Variants in APOOL observed in about 807,000 individuals in gnomAD.
The protein encoded by APOOL is apolipoprotein O like.
In APOOL, 12 loss-of-function variants were observed where a neutral mutation model predicts 23.1. The ratio of observed to expected loss-of-function variants is 0.52; its 90% CI spans 0.33 to 0.84. The LOEUF (loss-of-function observed/expected upper bound fraction) is 0.84. APOOL is among the 40% of genes least tolerant of loss of function. APOOL has a pLI of 0.02. For synonymous variants in APOOL, 77 were observed against 69.9 expected, an observed-to-expected ratio of 1.10 and a Z score of -0.51; for missense variants, 212 against 199.6, an observed-to-expected ratio of 1.06 and a Z score of -0.37.
At chrX:85,006,546 T>C (rs1375911782) in intron 1 of APOOL, among the ~76,000 whole-genome samples, 2 of 106,295 alleles carry the variant, frequency 1.9e-5, no homozygotes, top group Non-Finnish European at 3.9e-5. Flanking sequence ...CCAGAAAAGG[T>C]GTCTTTTAAT....
chrX:85,057,148 AT>A (rs199660654), intron 5 of APOOL, among the ~76,000 whole-genome samples: 3,024 of 111,081 alleles, frequency 0.027, 92 homozygotes, highest in African/African-American at 0.085. Context: ...GCTTTTGGTG[AT>A]TAGGAATAGA....
At chrX:85,003,998 A>G (rs1389334247) in intron 1 of APOOL, 71 bp downstream of exon 1, 1 of 1,158,674 alleles carries the variant, frequency 8.6e-7, no homozygotes, top group Non-Finnish European at 1.2e-6. Context: ...AAGGGATCCT[A>G]CTAACTTCTG....
intron 4 of APOOL, 64 bp from the exon 5 acceptor site, chrX:85,055,763 A>G: frequency 1.2e-6 from 1 of 808,204 alleles, no homozygotes; most frequent in East Asian, 3.6e-5. Context: ...TTCCTGCATT[A>G]TAACTGTATA....
intron 8 of APOOL, among the ~76,000 whole-genome samples, chrX:85,084,856 G>A (rs1221623774): frequency 9.0e-6 from 1 of 111,493 alleles, no homozygotes; most frequent in Non-Finnish European, 1.9e-5. Flanking sequence ...GATGGACATT[G>A]TTAAGCAAAT....
chrX:85,041,868 C>T (rs1241730870), intron 1 of APOOL, among the ~76,000 whole-genome samples: 7 of 110,629 alleles, frequency 6.3e-5, no homozygotes, highest in African/African-American at 2.3e-4. Flanking sequence ...GGGCAGCTGT[C>T]CTGTCTTGCA....
chrX:85,087,022 C>A (rs775957784), intron 8 of APOOL, among the ~76,000 whole-genome samples: 25 of 111,374 alleles, frequency 2.2e-4, no homozygotes, highest in Admixed American at 2.0e-3. Flanking sequence ...AAAAACATAG[C>A]ATCATTCACT....
chrX:85,025,194 CCA>C (rs1337223884), intron 1 of APOOL, among the ~76,000 whole-genome samples: 2 of 110,499 alleles, frequency 1.8e-5, no homozygotes, highest in Non-Finnish European at 3.8e-5. Flanking sequence ...AGGGGAGGTT[CCA>C]CACAGTTTTA....
intron 5 of APOOL, among the ~76,000 whole-genome samples, chrX:85,061,355 G>A (rs1263906650): frequency 9.0e-6 from 1 of 111,356 alleles, no homozygotes; most frequent in African/African-American, 3.3e-5. Flanking sequence ...TTTCCATTGT[G>A]TCTCTGCCCG....
chrX:85,087,677 G>A lies in APOOL; in HGVS notation c.806G>A (p.Ter269=). 4.3e-6 allele frequency: 5 copies of A among 1,173,804 alleles called. No homozygotes were observed. The highest frequency in any genetic ancestry group is 5.7e-6 in the Non-Finnish European group (5 of 875,156). ...ATAGATATGTACAGCACTAGAAGCT[G>A]AAGTAGACTGCATGCAGAGACTACA... ...EDIDMYSTRS[*] The change falls in exon 9 of 9, where the codon TGA becomes TAA. Residue 269 remains the stop codon, a stop_retained_variant. Coordinates refer to ENST00000373173, the MANE Select transcript of APOOL (RefSeq NM_198450.6).
intron 1 of APOOL, among the ~76,000 whole-genome samples, chrX:85,013,936 A>G (rs896151059): frequency 4.5e-5 from 5 of 111,009 alleles, no homozygotes; most frequent in African/African-American, 1.6e-4. Flanking sequence ...CTACCCTACT[A>G]TTATTGTGTT....
intron 3 of APOOL, among the ~76,000 whole-genome samples, chrX:85,053,798 G>A (rs865876418): frequency 2.9e-4 from 32 of 111,479 alleles, no homozygotes; most frequent in African/African-American, 8.7e-4. Flanking sequence ...TTTATGTTCC[G>A]ATTTAAAAAC....
intron 6 of APOOL, among the ~76,000 whole-genome samples, chrX:85,070,334 C>T (rs768287919): frequency 9.0e-6 from 1 of 110,969 alleles, no homozygotes; most frequent in Non-Finnish European, 1.9e-5. Context: ...ACAAAAGACT[C>T]ACTCCAGTTA....
chrX:85,076,552 C>T (rs144163286), intron 8 of APOOL, among the ~76,000 whole-genome samples: 1,510 of 110,430 alleles, frequency 0.014, 27 homozygotes, highest in African/African-American at 0.047. Flanking sequence ...AACTGTAATG[C>T]CAGGGACATA....
intron 1 of APOOL, among the ~76,000 whole-genome samples, chrX:85,038,900 T>C (rs1219311383): frequency 9.0e-6 from 1 of 110,652 alleles, no homozygotes; most frequent in African/African-American, 3.3e-5. Context: ...CTCTATTATA[T>C]TGAGTTGCTC....
chrX:85,066,533 A>G, intron 5 of APOOL, among the ~76,000 whole-genome samples: 1 of 111,466 alleles, frequency 9.0e-6, no homozygotes, highest in Admixed American at 9.6e-5. Flanking sequence ...TACGAAAATA[A>G]CTCTTAAATG....
intron 1 of APOOL, among the ~76,000 whole-genome samples, chrX:85,005,746 C>T (rs1029530728): frequency 1.5e-4 from 17 of 111,106 alleles, no homozygotes; most frequent in African/African-American, 4.0e-4. Context: ...ACACAAATGA[C>T]TGTGATTCAG....
At chrX:85,083,603 A>G (rs1221567885) in intron 8 of APOOL, among the ~76,000 whole-genome samples, 1 of 111,941 alleles carries the variant, frequency 8.9e-6, no homozygotes, top group East Asian at 2.8e-4. Context: ...AAAGTACTTT[A>G]TAGTGACTAG....
chrX:85,019,524 T>C (rs1020870090), intron 1 of APOOL, among the ~76,000 whole-genome samples: 22 of 112,270 alleles, frequency 2.0e-4, no homozygotes, highest in Non-Finnish European at 3.4e-4. Context: ...CATTTTGTTA[T>C]AGCAGCCCAA....
At chrX:85,056,589 C>A (rs1027400645) in intron 5 of APOOL, among the ~76,000 whole-genome samples, 34 of 109,877 alleles carry the variant, frequency 3.1e-4, no homozygotes, top group African/African-American at 1.1e-3. Context: ...ACTAAAAATA[C>A]AAAATTAGCC....
Sources: allele counts gnomAD v4.1 joint callset (sites outside exome capture counted in the v4.1 genomes callset), GRCh38; gene constraint gnomAD v4.1.1; transcripts MANE v1.5; gene names NCBI Gene and HGNC (gene_info 2026-07-23, HGNC 2026-07-21).